Variants in GPC5 observed in about 807,000 individuals in gnomAD.
GPC5 encodes the protein glypican-5.
In GPC5, 47 loss-of-function variants were observed where a neutral mutation model predicts 53.9. That is an observed-to-expected ratio of 0.87 (90% CI 0.69 to 1.11). The LOEUF is 1.11. Among genes scored for constraint, GPC5 ranks in the 50% most tolerant of loss-of-function variants. The pLI, the probability that GPC5 is intolerant of heterozygous loss-of-function variation, is 0.00. For missense variants in GPC5, 748 were observed against 713.1 expected (o/e 1.05, Z -0.56); for synonymous variants, 286 against 263.3 (o/e 1.09, Z -0.84).
At chr13:91,593,213 G>A (rs1280100980) in intron 2 of GPC5, among the ~76,000 whole-genome samples, 2 of 152,104 alleles carry the variant, frequency 1.3e-5, no homozygotes, top group Non-Finnish European at 2.9e-5. Context: ...TCAGTAATCA[G>A]GCACCTCACA....
chr13:92,808,738 G>A (rs927225669), intron 7 of GPC5, among the ~76,000 whole-genome samples: 4 of 151,880 alleles, frequency 2.6e-5, no homozygotes, highest in Non-Finnish European at 1.5e-5. Context: ...TTAATTTGGG[G>A]CATTTTCCAT....
rs186721623 is a variant in GPC5 at position 91,809,370 on chromosome 13, T to G, written c.1280+52950T>G. 3.3e-5 allele frequency among the ~76,000 whole-genome samples: 5 copies of G among 152,246 alleles called. 1 individual carries two copies. Among genetic ancestry groups the G allele is most frequent in the Admixed American group, 3.3e-4 (5 of 15,280 alleles). ...GAACTATCCTGTAACTGACAACCAA[T>G]GATGAATAGTTTTTTCTGACACTAA... On this transcript the variant is annotated intron_variant, in intron 5 of 7. Coordinates refer to ENST00000377067, the MANE Select transcript of GPC5 (RefSeq NM_004466.6).
intron 5 of GPC5, among the ~76,000 whole-genome samples, chr13:91,893,190 G>A (rs1223393886): frequency 6.6e-6 from 1 of 151,948 alleles, no homozygotes; most frequent in South Asian, 2.1e-4. Context: ...TATAAACTTT[G>A]CGTCAAATCC....
intron 7 of GPC5, among the ~76,000 whole-genome samples, chr13:92,652,445 T>C (rs1885989006): frequency 6.6e-6 from 1 of 152,182 alleles, no homozygotes; most frequent in Non-Finnish European, 1.5e-5. Flanking sequence ...TCATTATTTC[T>C]ACTTCCTATG....
At chr13:92,333,892 C>T (rs959599104) in intron 7 of GPC5, among the ~76,000 whole-genome samples, 1 of 151,868 alleles carries the variant, frequency 6.6e-6, no homozygotes, top group African/African-American at 2.4e-5. Context: ...AAGTAGACAA[C>T]ATGAAAGAAC....
intron 6 of GPC5, among the ~76,000 whole-genome samples, chr13:92,104,266 G>A (rs1198429408): frequency 6.6e-6 from 1 of 152,120 alleles, no homozygotes; most frequent in Non-Finnish European, 1.5e-5. Context: ...AAGGCTACCA[G>A]GGAGCAGGGG....
At chr13:92,812,095 G>A (rs990708015) in intron 7 of GPC5, among the ~76,000 whole-genome samples, 6 of 151,706 alleles carry the variant, frequency 4.0e-5, no homozygotes, top group Non-Finnish European at 8.8e-5. Context: ...CTGAATTTCA[G>A]GATCAGATTT....
intron 6 of GPC5, among the ~76,000 whole-genome samples, chr13:91,985,741 T>G (rs1330811030): frequency 6.6e-6 from 1 of 152,206 alleles, no homozygotes; most frequent in East Asian, 1.9e-4. Flanking sequence ...CCCTTCAGCC[T>G]TTTGTGCTAT....
At chr13:91,493,805 A>G (rs1219984461) in intron 2 of GPC5, among the ~76,000 whole-genome samples, 3 of 152,200 alleles carry the variant, frequency 2.0e-5, no homozygotes, top group African/African-American at 7.2e-5. Flanking sequence ...AATAAAAGCA[A>G]ATAGAGGAGA....
At chr13:91,622,340 C>A (rs1476836054) in intron 2 of GPC5, among the ~76,000 whole-genome samples, 2 of 152,092 alleles carry the variant, frequency 1.3e-5, no homozygotes, top group South Asian at 2.1e-4. Flanking sequence ...CTGCAATGAG[C>A]AACTGCATGT....
At chr13:92,268,575 ATCTT>A (rs1212818950) in intron 7 of GPC5, among the ~76,000 whole-genome samples, 2 of 150,818 alleles carry the variant, frequency 1.3e-5, no homozygotes, top group African/African-American at 4.9e-5. Flanking sequence ...TTTAGGTAAT[ATCTT>A]TTTTTTTTGC....
chr13:92,064,711 C>A (rs374409265), intron 6 of GPC5, among the ~76,000 whole-genome samples: 1 of 140,568 alleles, frequency 7.1e-6, no homozygotes, highest in Non-Finnish European at 1.5e-5. Context: ...GAGCCAAGAT[C>A]GCGCCATTGC....
At chr13:92,085,976 G>A (rs1444404599) in intron 6 of GPC5, among the ~76,000 whole-genome samples, 1 of 152,182 alleles carries the variant, frequency 6.6e-6, no homozygotes, top group Admixed American at 6.5e-5. Context: ...ACTAGTATGG[G>A]TTTGGAGACC....
At chr13:92,536,580 A>G (rs1881729531) in intron 7 of GPC5, among the ~76,000 whole-genome samples, 1 of 152,132 alleles carries the variant, frequency 6.6e-6, no homozygotes, top group Non-Finnish European at 1.5e-5. Flanking sequence ...GAAAAACAAA[A>G]TGAAAAGAAA....
intron 7 of GPC5, among the ~76,000 whole-genome samples, chr13:92,640,392 T>C (rs966629084): frequency 6.6e-6 from 1 of 152,110 alleles, no homozygotes; most frequent in Admixed American, 6.5e-5. Context: ...CCTGAGTAGC[T>C]GGGACTGCAG....
intron 6 of GPC5, among the ~76,000 whole-genome samples, chr13:91,968,493 G>T (rs1240792850): frequency 6.6e-6 from 1 of 151,252 alleles, no homozygotes; most frequent in Non-Finnish European, 1.5e-5. Flanking sequence ...ATGGAGTCTT[G>T]CTCTGTCGCC....
chr13:91,670,839 C>G (rs1288885917), intron 2 of GPC5, among the ~76,000 whole-genome samples: 1 of 152,142 alleles, frequency 6.6e-6, no homozygotes, highest in East Asian at 1.9e-4. Flanking sequence ...GAACTAACTT[C>G]ACATGAAATT....
At chr13:92,217,911 C>CT (rs61595116) in intron 7 of GPC5, among the ~76,000 whole-genome samples, 39,257 of 85,150 alleles carry the variant, frequency 0.46, 10,816 homozygotes, top group African/African-American at 0.57. Context: ...ATTATTTCTA[C>CT]TTTTTTTTTT....
chr13:92,056,965 A>T (rs1269525483), intron 6 of GPC5, among the ~76,000 whole-genome samples: 1 of 152,194 alleles, frequency 6.6e-6, no homozygotes, highest in Non-Finnish European at 1.5e-5. Context: ...TACCCTGTAA[A>T]GACCTCTTAC....
Sources: gnomAD v4.1 joint callset for allele counts (sites outside exome capture counted in the v4.1 genomes callset) on GRCh38, gnomAD v4.1.1 for gene constraint, MANE v1.5 for transcripts, NCBI Gene and HGNC (gene_info 2026-07-23, HGNC 2026-07-21) for gene names.